SEMA4D: variants seen among roughly 807,000 people sequenced by gnomAD.
SEMA4D encodes semaphorin 4D, also known as semaphorin-4D.
A neutral mutation model predicts 74.8 loss-of-function variants in SEMA4D; 22 were observed. That is an observed-to-expected ratio of 0.29 (90% confidence interval 0.21 to 0.42). The LOEUF is 0.42. SEMA4D is among the 10% of genes least tolerant of loss of function. SEMA4D has a pLI of 1.00. For synonymous variants in SEMA4D, 445 were observed against 463.7 expected (o/e 0.96, Z 0.52); for missense variants, 937 against 1,118.4 (o/e 0.84, Z 2.31).
chr9:89,385,986 C>G (rs115046364), intron 13 of SEMA4D: 9 of 985,042 alleles, frequency 9.1e-6, no homozygotes, highest in Admixed American at 6.2e-5. Flanking sequence ...GGATTTTCCA[C>G]GGTGACGAGT....
chr9:89,384,735 G>A (rs937245294), intron 13 of SEMA4D: 2 of 985,336 alleles, frequency 2.0e-6, no homozygotes, highest in African/African-American at 1.7e-5. Flanking sequence ...CTCCCCAGCT[G>A]TAGGACAGGG....
At chr9:89,429,671 T>C (rs1848832451) in intron 2 of SEMA4D, among the ~76,000 whole-genome samples, 1 of 152,054 alleles carries the variant, frequency 6.6e-6, no homozygotes, top group East Asian at 1.9e-4. Flanking sequence ...GGTTCCTGGG[T>C]CCCAGCCGGG....
rs546878479 is a variant in SEMA4D at position 89,384,767 on chromosome 9, T to C, written c.1446+1600A>G. 1.7e-4 allele frequency: 168 copies of C among 985,240 alleles called. 1 individual carries two copies. In the South Asian group the frequency reaches 7.2e-3, roughly 42 times the overall value. 61.0% of individuals were successfully genotyped at this position (985,240 alleles called of 1,614,324 possible). A position where few individuals can be genotyped will look rare whatever the true frequency, so the allele number is the denominator to read the frequency against. ...AGGGGGAGGGCGTGGTACTGGCCGT[T>C]TCTCCATTTGCTGATCACCGTGAGA... On this transcript the variant is annotated intron_variant, in intron 13 of 15. Coordinates refer to ENST00000422704, the MANE Select transcript of SEMA4D (RefSeq NM_001371194.2).
intron 2 of SEMA4D, among the ~76,000 whole-genome samples, chr9:89,422,343 C>A (rs73654785): frequency 0.03 from 4,564 of 152,296 alleles, 251 homozygotes; most frequent in African/African-American, 0.1. Flanking sequence ...AGACTGTAGA[C>A]CCCCAGCCCC....
At chr9:89,386,660 C>T (rs1479602022) in intron 12 of SEMA4D, 178 bp from the exon 13 acceptor site, 2 of 553,064 alleles carry the variant, frequency 3.6e-6, no homozygotes, top group South Asian at 2.1e-5. Flanking sequence ...GCAAAACAGA[C>T]AACTGGAAAC....
At chr9:89,433,622 C>T (rs975981959) in intron 2 of SEMA4D, among the ~76,000 whole-genome samples, 5 of 152,190 alleles carry the variant, frequency 3.3e-5, no homozygotes, top group Admixed American at 2.6e-4. Context: ...GGACCTCCCA[C>T]CCCTGCATGT....
At chr9:89,373,816 A>G (rs536112510), downstream of SEMA4D, among the ~76,000 whole-genome samples, 12 of 152,260 alleles carry the variant, frequency 7.9e-5, no homozygotes, top group African/African-American at 2.6e-4. Flanking sequence ...GGAATGGCTC[A>G]TTCCTGGCCC....
chr9:89,366,215 T>C (rs1379242913), intron 16 of SEMA4D, among the ~76,000 whole-genome samples: 1 of 152,242 alleles, frequency 6.6e-6, no homozygotes, highest in Non-Finnish European at 1.5e-5. Flanking sequence ...TGTATACATG[T>C]GTGAACGTAG....
At chr9:89,366,221 C>T (rs1833642113) in intron 16 of SEMA4D, among the ~76,000 whole-genome samples, 1 of 152,194 alleles carries the variant, frequency 6.6e-6, no homozygotes, top group Non-Finnish European at 1.5e-5. Context: ...CATGTGTGAA[C>T]GTAGATAGTC....
intron 1 of SEMA4D, among the ~76,000 whole-genome samples, chr9:89,468,798 A>G (rs1859414412): frequency 6.6e-6 from 1 of 151,982 alleles, no homozygotes. Flanking sequence ...GCAATCTGAA[A>G]CTTCTAGAGA....
In SEMA4D at chr9:89,381,117, G is replaced by A. The variant is rs371930225; in HGVS notation, c.1620-19C>T. The A allele has an allele frequency of 8.8e-5, 142 of 1,614,010 alleles. No individual in the cohort carries two copies. Among genetic ancestry groups the A allele is most frequent in the South Asian group, 1.8e-4 (16 of 91,090 alleles). Reference sequence around the variant, plus strand: ...CAAACCCCTGCAAAACAACCGGCACGTGTTATTCACCCACACACATGGGGG... The same window carrying A: ...CAAACCCCTGCAAAACAACCGGCACATGTTATTCACCCACACACATGGGGG... On this transcript the variant is annotated intron_variant, in intron 14 of 15. Coordinates refer to ENST00000422704, the MANE Select transcript of SEMA4D (RefSeq NM_001371194.2). This position sits in a 1 kb window ranked among gnomAD's most constrained non-coding sequence, Gnocchi z 4.6.
chr9:89,467,706 AT>A (rs775901862), intron 1 of SEMA4D, among the ~76,000 whole-genome samples: 44 of 151,686 alleles, frequency 2.9e-4, no homozygotes, highest in Non-Finnish European at 5.6e-4. Context: ...TAATTTTTGT[AT>A]TTTTAGTAGA....
At chr9:89,387,126 C>CCCCAG (rs1232249780) in intron 12 of SEMA4D, 12 of 441,330 alleles carry the variant, frequency 2.7e-5, no homozygotes, top group African/African-American at 1.0e-4. Flanking sequence ...TACTCCTCTG[C>CCCCAG]CCCAGCCCAG....
chr9:89,398,349 C>T (rs374248637), intron 5 of SEMA4D, among the ~76,000 whole-genome samples: 19 of 152,194 alleles, frequency 1.2e-4, no homozygotes, highest in African/African-American at 4.3e-4. Context: ...GGAGAAGAGC[C>T]GGCCAGAGCT....
intron 2 of SEMA4D, among the ~76,000 whole-genome samples, chr9:89,412,314 C>T (rs1372284801): frequency 6.6e-6 from 1 of 152,118 alleles, no homozygotes. Flanking sequence ...CACGACCAAA[C>T]CCAGGGATGG....
chr9:89,435,742 G>T (rs1199655420), intron 2 of SEMA4D, among the ~76,000 whole-genome samples: 1 of 152,230 alleles, frequency 6.6e-6, no homozygotes, highest in African/African-American at 2.4e-5. Context: ...CCAGCCTGCT[G>T]CCTGCTCCTG....
intron 1 of SEMA4D, among the ~76,000 whole-genome samples, chr9:89,469,061 T>C (rs1463734172): frequency 6.6e-6 from 1 of 152,172 alleles, no homozygotes; most frequent in Non-Finnish European, 1.5e-5. Context: ...GAGGTCCTCA[T>C]ATGTTAATAC....
intron 2 of SEMA4D, among the ~76,000 whole-genome samples, chr9:89,422,791 G>A (rs1847256868): frequency 1.3e-5 from 2 of 152,310 alleles, no homozygotes; most frequent in African/African-American, 4.8e-5. Flanking sequence ...CACACAGAGG[G>A]CACTGGGAGA....
In SEMA4D at chr9:89,387,378, G is replaced by A. The variant is rs1240566106; in HGVS notation, c.1330+8C>T. 5 of 1,602,210 alleles carry A rather than the reference G, an allele frequency of 3.1e-6. No homozygotes were observed. The highest frequency in any genetic ancestry group is 2.2e-5 in the East Asian group (1 of 44,552). On this transcript the variant is annotated splice_region_variant and intron_variant, in intron 12 of 15. Transcript: ENST00000422704. ...CACTGTCAAGCCTGCCAAGCCCTCG[G>A]AACCCACCTGTGCTGACAAACATGA...
Sources: gnomAD v4.1 joint callset for allele counts (sites outside exome capture counted in the v4.1 genomes callset) on GRCh38, gnomAD v4.1.1 for gene constraint, Gnocchi (gnomAD v3.1) non-coding constraint, MANE v1.5 for transcripts, NCBI Gene and HGNC (gene_info 2026-07-23, HGNC 2026-07-21) for gene names.